CYREN: variants seen among roughly 807,000 people sequenced by gnomAD.
The protein encoded by CYREN is cell cycle regulator of non-homologous end joining.
Under a neutral mutation model 9.7 loss-of-function variants are expected in CYREN, and 7 were observed. The observed-to-expected ratio is 0.72, with a 90% confidence interval of 0.41 to 1.36. The LOEUF is 1.36. Ranked by LOEUF, CYREN falls within the 40% of genes most tolerant of loss-of-function variation. The pLI, the probability that CYREN is intolerant of heterozygous loss-of-function variation, is 0.01. For missense variants in CYREN, 215 were observed against 198.1 expected, an observed-to-expected ratio of 1.09 and a Z score of -0.51; for synonymous variants, 76 against 77.9, an observed-to-expected ratio of 0.98 and a Z score of 0.13.
chr7:135,119,506 AG>A (rs2117226878), intron 2 of CYREN, among the ~76,000 whole-genome samples: 1 of 151,666 alleles, frequency 6.6e-6, no homozygotes, highest in Non-Finnish European at 1.5e-5. Context: ...CTGGGATTAC[AG>A]GCATGAGCCA....
chr7:135,130,897 G>A (rs878975693), intron 2 of CYREN, among the ~76,000 whole-genome samples: 12 of 152,016 alleles, frequency 7.9e-5, no homozygotes, highest in East Asian at 1.9e-4. Context: ...TTTCGTTATC[G>A]TTGGTGGGTG....
At chr7:135,096,780 A>AAAGAAAG (rs1822948857) in intron 2 of CYREN, among the ~76,000 whole-genome samples, 1 of 151,696 alleles carries the variant, frequency 6.6e-6, no homozygotes, top group South Asian at 2.1e-4. Context: ...AGAAAGAAAG[A>AAAGAAAG]AAGAAAGAAA....
intron 2 of CYREN, chr7:135,129,323 G>A: frequency 7.9e-7 from 1 of 1,263,756 alleles, no homozygotes; most frequent in East Asian, 2.3e-5. Context: ...CATGTAAGGT[G>A]ACTGCAGAGA....
chr7:135,126,418 C>A (rs1195856224), intron 2 of CYREN, among the ~76,000 whole-genome samples: 1 of 152,184 alleles, frequency 6.6e-6, no homozygotes, highest in East Asian at 1.9e-4. Context: ...AACATTCCAT[C>A]CTCGTGGATA....
Position 135,124,749 on chromosome 7 carries a change from C to CA in CYREN, n.357-30168dup, listed in dbSNP as rs765549218. On this transcript the variant is annotated intron_variant and non_coding_transcript_variant, in intron 2 of 2. Coordinates refer to the CYREN transcript ENST00000459937. ...ACAACTCAGGATTAAAAAACTCACT[C>CA]AAAACCACACGATTACATGGAAATT... Among the ~76,000 whole-genome samples the CA allele has an allele frequency of 2.6e-5, 4 of 152,206 alleles. No homozygotes were observed. In the South Asian group the frequency reaches 8.3e-4, roughly 31 times the overall value.
At chr7:135,098,741 G>A (rs544540063) in intron 2 of CYREN, among the ~76,000 whole-genome samples, 2 of 152,254 alleles carry the variant, frequency 1.3e-5, no homozygotes, top group East Asian at 3.9e-4. Context: ...GTTCAGAGAA[G>A]TATTATTGGA....
At chr7:135,117,645 C>T (rs1826516775) in intron 2 of CYREN, among the ~76,000 whole-genome samples, 1 of 152,164 alleles carries the variant, frequency 6.6e-6, no homozygotes, top group Non-Finnish European at 1.5e-5. Flanking sequence ...AGAAAAACAA[C>T]AACAACAAAA....
chr7:135,153,456 C>CA (rs55776467), intron 2 of CYREN, among the ~76,000 whole-genome samples: 2,325 of 81,340 alleles, frequency 0.029, 174 homozygotes, highest in African/African-American at 0.099. Context: ...TCCATCTCCA[C>CA]AAAAAAAAAA....
rs756886041 is a variant in CYREN, at chr7:135,167,723, T to A, written c.213+9A>T. 2 of 1,614,074 alleles carry A rather than the reference T, an allele frequency of 1.2e-6. No individual in the cohort carries two copies. Among genetic ancestry groups the A allele is most frequent in the Admixed American group, 3.3e-5 (2 of 60,022 alleles). On this transcript the variant is annotated intron_variant, in intron 3 of 3. Transcript: ENST00000393114. ...TCTGGTCATGAGTAAGAGGCTTGTCTGACTTTACCTCAATCAGGATTCCCA... is the reference window on the plus strand; with the variant it reads ...TCTGGTCATGAGTAAGAGGCTTGTCAGACTTTACCTCAATCAGGATTCCCA...
chr7:135,113,514 T>C (rs1310336673), intron 2 of CYREN, among the ~76,000 whole-genome samples: 3 of 152,228 alleles, frequency 2.0e-5, no homozygotes, highest in African/African-American at 7.2e-5. Context: ...TTATTCTAAA[T>C]GTATTCTACT....
intron 2 of CYREN, among the ~76,000 whole-genome samples, chr7:135,133,853 C>A (rs6966181): frequency 1 from 152,267 of 152,268 alleles, 76,133 homozygotes; most frequent in Middle Eastern, 1. Flanking sequence ...ATTATTAAAC[C>A]AACTATGGTA....
intron 2 of CYREN, among the ~76,000 whole-genome samples, chr7:135,101,714 T>C (rs971801362): frequency 2.0e-5 from 3 of 152,186 alleles, no homozygotes; most frequent in Non-Finnish European, 4.4e-5. Context: ...TGTCTTGGGA[T>C]ATTTCTATAC....
chr7:135,148,702 C>A (rs1829602627), intron 2 of CYREN, among the ~76,000 whole-genome samples: 1 of 152,140 alleles, frequency 6.6e-6, no homozygotes, highest in Non-Finnish European at 1.5e-5. Context: ...TAGTTACGAA[C>A]ACATCATAAA....
chr7:135,154,626 T>C (rs1829743209), intron 2 of CYREN, among the ~76,000 whole-genome samples: 1 of 152,214 alleles, frequency 6.6e-6, no homozygotes, highest in Non-Finnish European at 1.5e-5. Flanking sequence ...TTCAGGAGCA[T>C]GCTGTTTAAT....
At chr7:135,120,250 T>C (rs983641585) in intron 2 of CYREN, among the ~76,000 whole-genome samples, 2 of 152,232 alleles carry the variant, frequency 1.3e-5, no homozygotes, top group African/African-American at 4.8e-5. Context: ...TCATATTTGA[T>C]GGTTGAAGCA....
At chr7:135,104,958 T>TTGTGATTGCTTTTGG (rs1824433836) in intron 2 of CYREN, among the ~76,000 whole-genome samples, 1 of 152,126 alleles carries the variant, frequency 6.6e-6, no homozygotes, top group African/African-American at 2.4e-5. Flanking sequence ...TTTGCTTTTG[T>TTGTGATTGCTTTTGG]TGTGATTGCT....
Position 135,166,831 on chromosome 7 carries a change from G to A in CYREN, c.254C>T (p.Ala85Val), listed in dbSNP as rs776802218. The A allele has an allele frequency of 5.6e-5, 90 of 1,613,958 alleles. No individual in the cohort carries two copies. The highest frequency in any genetic ancestry group is 7.3e-5 in the Non-Finnish European group (86 of 1,179,976). Residue 85 changes from alanine to valine, a missense_variant, in exon 4 of 4, where the codon GCG (alanine) becomes GTG (valine). Transcript: ENST00000393114. ...GGAGTGCTCTGGGTTATCAGCCCCC[G>A]CCAGGGCCGGCTGCTCGCAGGCCTT... ...QEKACEQPAL[A>V]GADNPEHSPP...
chr7:135,135,960 C>T (rs1034142091), intron 2 of CYREN, among the ~76,000 whole-genome samples: 4 of 152,032 alleles, frequency 2.6e-5, no homozygotes, highest in African/African-American at 9.7e-5. Context: ...TCCTTTACAG[C>T]GAATTGGTTT....
chr7:135,140,520 A>G (rs1829433907), intron 2 of CYREN, among the ~76,000 whole-genome samples: 1 of 151,772 alleles, frequency 6.6e-6, no homozygotes, highest in East Asian at 1.9e-4. Flanking sequence ...AGATAGTTTG[A>G]CTTCATCTCT....
Sources: gnomAD v4.1 joint callset for allele counts (sites outside exome capture counted in the v4.1 genomes callset) on GRCh38, gnomAD v4.1.1 for gene constraint, MANE v1.5 for transcripts, NCBI Gene and HGNC (gene_info 2026-07-23, HGNC 2026-07-21) for gene names.